MRTFA: variants seen among roughly 807,000 people sequenced by gnomAD.
The protein encoded by MRTFA is myocardin-related transcription factor A.
Under a neutral mutation model 83.5 loss-of-function variants are expected in MRTFA, and 20 were observed. The observed-to-expected ratio is 0.24, with a 90% CI of 0.17 to 0.35. The LOEUF (loss-of-function observed/expected upper bound fraction) is 0.35, where lower values mean the gene tolerates loss of function less well. MRTFA is among the 10% of genes least tolerant of loss of function. The pLI is 1.00. For missense variants in MRTFA, 1,200 were observed against 1,224.7 expected, an observed-to-expected ratio of 0.98 and a Z score of 0.30; for synonymous variants, 659 against 541.2, an observed-to-expected ratio of 1.22 and a Z score of -3.02.
intron 3 of MRTFA, chr22:40,533,691 C>T (rs2055120828): frequency 9.1e-7 from 1 of 1,099,412 alleles, no homozygotes; most frequent in Admixed American, 4.3e-5. Flanking sequence ...GTCAAAGTCA[C>T]AGGAGAAAAG....
chr22:40,626,347 G>A (rs1388554989), intron 1 of MRTFA, among the ~76,000 whole-genome samples: 1 of 152,078 alleles, frequency 6.6e-6, no homozygotes, highest in South Asian at 2.1e-4. Flanking sequence ...GAGTGCAGTG[G>A]CGCAACTACA....
intron 4 of MRTFA, among the ~76,000 whole-genome samples, chr22:40,446,762 A>T (rs757002646): frequency 2.0e-5 from 3 of 152,214 alleles, no homozygotes; most frequent in African/African-American, 4.8e-5. Flanking sequence ...ATAAGAAGTG[A>T]GAAAGTGGAG....
intron 4 of MRTFA, among the ~76,000 whole-genome samples, chr22:40,443,137 A>G (rs1465771210): frequency 6.6e-6 from 1 of 152,106 alleles, no homozygotes; most frequent in East Asian, 1.9e-4. Flanking sequence ...CTGTAATCCC[A>G]ACTCCTCAGG....
chr22:40,581,850 A>C (rs1223018285), intron 2 of MRTFA, among the ~76,000 whole-genome samples: 1 of 152,212 alleles, frequency 6.6e-6, no homozygotes, highest in Non-Finnish European at 1.5e-5. Context: ...AGCTCTACTC[A>C]GCAAAAAAGA....
chr22:40,453,468 T>C (rs1029623058), intron 4 of MRTFA, among the ~76,000 whole-genome samples: 5 of 152,194 alleles, frequency 3.3e-5, no homozygotes, highest in Non-Finnish European at 7.3e-5. Flanking sequence ...AAAGGGGCAC[T>C]GGGTGGATCA....
At chr22:40,534,163 T>C (rs1212446035) in intron 3 of MRTFA, among the ~76,000 whole-genome samples, 3 of 152,200 alleles carry the variant, frequency 2.0e-5, no homozygotes, top group Non-Finnish European at 4.4e-5. Flanking sequence ...TAAACACATA[T>C]ATACAAAATG....
chr22:40,527,287 G>A (rs1427690951), intron 3 of MRTFA, among the ~76,000 whole-genome samples: 1 of 151,874 alleles, frequency 6.6e-6, no homozygotes. Context: ...CCATTTATGC[G>A]ACTTTGCCAT....
At chr22:40,609,763 G>A (rs1030420528) in intron 1 of MRTFA, among the ~76,000 whole-genome samples, 8 of 152,050 alleles carry the variant, frequency 5.3e-5, no homozygotes, top group Non-Finnish European at 8.8e-5. Flanking sequence ...CCCGGGCAGC[G>A]GAGGTTGTGG....
chr22:40,540,776 CA>C (rs11398739), intron 3 of MRTFA, among the ~76,000 whole-genome samples: 5,012 of 91,090 alleles, frequency 0.055, 185 homozygotes, highest in African/African-American at 0.21. Flanking sequence ...GACTCTGTCT[CA>C]AAAAAAAAAA....
chr22:40,595,417 G>A (rs1321523122), intron 1 of MRTFA, among the ~76,000 whole-genome samples: 10 of 151,956 alleles, frequency 6.6e-5, no homozygotes, highest in South Asian at 4.2e-4. Context: ...CACCGCGCCC[G>A]GCCGAGAAAT....
chr22:40,527,540 G>C (rs545577385), intron 3 of MRTFA, among the ~76,000 whole-genome samples: 2 of 151,930 alleles, frequency 1.3e-5, no homozygotes, highest in African/African-American at 4.8e-5. Context: ...GGCAGATCAC[G>C]AAGTTAGGAG....
intron 4 of MRTFA, 99 bp from the exon 5 acceptor site, chr22:40,435,653 C>A (rs2089926771): frequency 1.4e-6 from 2 of 1,386,078 alleles, no homozygotes; most frequent in Admixed American, 3.4e-5. Flanking sequence ...ATGTTACTGG[C>A]TGGGCGTGGT....
At chr22:40,586,278 AAAG>A (rs1007634447) in intron 2 of MRTFA, among the ~76,000 whole-genome samples, 3 of 152,126 alleles carry the variant, frequency 2.0e-5, no homozygotes, top group Non-Finnish European at 4.4e-5. Context: ...AAAAAAAAAA[AAAG>A]AAGGAAAGAA....
intron 1 of MRTFA, among the ~76,000 whole-genome samples, chr22:40,625,251 G>T (rs1452248962): frequency 6.6e-6 from 1 of 151,812 alleles, no homozygotes. Flanking sequence ...AGGCCAAGAT[G>T]GGAGGATCAC....
Position 40,439,529 on chromosome 22 carries a change from A to AG in MRTFA, c.308-3976_308-3975insC, listed in dbSNP as rs1338104189. On this transcript the variant is annotated intron_variant, in intron 4 of 14. Coordinates refer to ENST00000355630, the MANE Select transcript of MRTFA (RefSeq NM_020831.6). ...CAAAAAAAAAAAAAAAAAAAAAAAA[A>AG]AGAGACAGAAGAAAAGAAACTGTTG... 2.0e-5 allele frequency among the ~76,000 whole-genome samples: 3 copies of AG among 149,526 alleles called. No homozygotes were observed. The East Asian group carries it at 5.9e-4, about 30-fold the overall frequency.
chr22:40,514,138 A>G (rs1190517332), intron 3 of MRTFA, among the ~76,000 whole-genome samples: 2 of 151,912 alleles, frequency 1.3e-5, no homozygotes, highest in African/African-American at 4.8e-5. Context: ...ATGTACCTGC[A>G]GTCCCATGTA....
chr22:40,625,895 A>C (rs1347966765), intron 1 of MRTFA, among the ~76,000 whole-genome samples: 1 of 152,246 alleles, frequency 6.6e-6, no homozygotes, highest in Non-Finnish European at 1.5e-5. Context: ...GTGCAAATTT[A>C]AAGAGTGAAA....
intron 2 of MRTFA, among the ~76,000 whole-genome samples, chr22:40,576,731 A>G (rs1915200713): frequency 6.6e-6 from 1 of 152,238 alleles, no homozygotes; most frequent in South Asian, 2.1e-4. Context: ...AACAGCTAGT[A>G]GGAAAAACCT....
At chr22:40,477,243 G>A (rs1023128241) in intron 3 of MRTFA, among the ~76,000 whole-genome samples, 12 of 151,264 alleles carry the variant, frequency 7.9e-5, no homozygotes, top group Admixed American at 3.3e-4. Context: ...CCAGCTACTC[G>A]GGAGGGTGAG....
Sources: allele counts gnomAD v4.1 joint callset (sites outside exome capture counted in the v4.1 genomes callset), GRCh38; gene constraint gnomAD v4.1.1; transcripts MANE v1.5; gene names NCBI Gene and HGNC (gene_info 2026-07-23, HGNC 2026-07-21).